The following EBF1 variants were observed in gnomAD, a reference collection of about 807,000 sequenced individuals.
EBF1 encodes EBF transcription factor 1.
A neutral mutation model predicts 68.4 loss-of-function variants in EBF1; 10 were observed. That is an observed-to-expected ratio of 0.15 (90% CI 0.09 to 0.25). EBF1 has a LOEUF of 0.25. EBF1 is among the 10% of genes least tolerant of loss of function. The probability of loss-of-function intolerance (pLI) is 1.00; values close to 1 mark genes in which losing one functional copy is unlikely to be tolerated. For synonymous variants in EBF1, 298 were observed against 299.8 expected (o/e 0.99, Z 0.06); for missense variants, 509 against 794.4 (o/e 0.64, Z 4.32).
At chr5:159,027,769 C>A (rs1767987072) in intron 6 of EBF1, among the ~76,000 whole-genome samples, 1 of 152,180 alleles carries the variant, frequency 6.6e-6, no homozygotes, top group African/African-American at 2.4e-5. Context: ...GGTTCCTACC[C>A]CTCTAGCCGG....
At chr5:158,831,261 G>T (rs747099529) in intron 7 of EBF1, among the ~76,000 whole-genome samples, 1 of 152,142 alleles carries the variant, frequency 6.6e-6, no homozygotes, top group Non-Finnish European at 1.5e-5. Flanking sequence ...TCAGGAGCAA[G>T]AAAATGGCAT....
intron 5 of EBF1, chr5:159,073,684 A>T: frequency 1.8e-6 from 1 of 542,348 alleles, no homozygotes; most frequent in Non-Finnish European, 3.3e-6. Flanking sequence ...GGTGGGGGAG[A>T]GGGGCTCTCC....
At position 158,713,028 on chromosome 5, in the gene EBF1, A is replaced by T. The variant is rs747932991; in HGVS notation, c.1311T>A (p.Asn437Lys). The T allele has an allele frequency of 6.3e-7, 1 of 1,578,072 alleles. No homozygotes were observed. ...TSVHAGMMGV[N>K]SFSGQLAVNV... ...TCACGGCCAGTTGTCCACTGAACGA[A>T]TTCACGCCCATCATCCCTGCGTGGA... Residue 437 changes from asparagine to lysine, a missense_variant, in exon 13 of 16, where the codon AAT becomes AAA. This residue lies in a region of EBF1 where 205 missense variants were observed against 247.4 expected (regional missense o/e 0.83). Coordinates refer to ENST00000313708, the MANE Select transcript of EBF1 (RefSeq NM_024007.5).
At chr5:158,836,871 T>C (rs531150491) in intron 7 of EBF1, among the ~76,000 whole-genome samples, 3 of 152,336 alleles carry the variant, frequency 2.0e-5, no homozygotes, top group East Asian at 1.9e-4. Flanking sequence ...ACTGACTCTA[T>C]GGTGGCCAAG....
At chr5:158,720,399 G>T (rs1375155617) in intron 11 of EBF1, among the ~76,000 whole-genome samples, 2 of 152,120 alleles carry the variant, frequency 1.3e-5, no homozygotes, top group Non-Finnish European at 2.9e-5. Flanking sequence ...TATTTCTTTG[G>T]AGGGTAGTTT....
chr5:159,033,874 C>T (rs1584123376), intron 6 of EBF1, among the ~76,000 whole-genome samples: 1 of 152,280 alleles, frequency 6.6e-6, no homozygotes, highest in East Asian at 1.9e-4. Context: ...CCAACGACCT[C>T]CTACACCCCT....
intron 14 of EBF1, among the ~76,000 whole-genome samples, chr5:158,708,651 G>A (rs1270024001): frequency 6.6e-6 from 1 of 152,164 alleles, no homozygotes; most frequent in Non-Finnish European, 1.5e-5. Flanking sequence ...GTGGAGGCAG[G>A]GAAGGGAAAT....
In EBF1 at chr5:158,925,268, T is replaced by G. The variant is rs929729032; in HGVS notation, c.555-85158A>C. Among the ~76,000 whole-genome samples, 3 of 152,232 alleles carry G rather than the reference T, an allele frequency of 2.0e-5. No homozygotes were observed. The South Asian group carries it at 6.2e-4, about 32-fold the overall frequency. On this transcript the variant is annotated intron_variant, in intron 6 of 15. Transcript: ENST00000313708. ...CCTCACAGCACATATCACTTTTATC[T>G]TATTGTCTAGCTCCCTGCTAGGATG...
intron 6 of EBF1, among the ~76,000 whole-genome samples, chr5:158,947,195 C>G (rs112272001): frequency 1.3e-5 from 2 of 151,636 alleles, no homozygotes; most frequent in South Asian, 4.2e-4. Flanking sequence ...GGGGAGTGAG[C>G]GGTTCTGTCT....
At chr5:158,838,085 A>G (rs1789244553) in intron 7 of EBF1, among the ~76,000 whole-genome samples, 4 of 152,166 alleles carry the variant, frequency 2.6e-5, no homozygotes, top group Admixed American at 2.6e-4. Flanking sequence ...AAAATCCTCT[A>G]TGGGAATGAG....
At chr5:158,958,655 A>T (rs1055907783) in intron 6 of EBF1, among the ~76,000 whole-genome samples, 1 of 152,100 alleles carries the variant, frequency 6.6e-6, no homozygotes, top group East Asian at 1.9e-4. Flanking sequence ...AGGTTAATAT[A>T]CACATCCCAC....
At chr5:159,029,175 C>T (rs948637698) in intron 6 of EBF1, among the ~76,000 whole-genome samples, 7 of 152,104 alleles carry the variant, frequency 4.6e-5, no homozygotes, top group Non-Finnish European at 7.4e-5. Context: ...CCCAACCATA[C>T]TCATAAGAGA....
In EBF1 at chr5:158,926,640, C is replaced by T. The variant is rs1441533729; in HGVS notation, c.555-86530G>A. ...TTGGGAGGCTGAGGCAGAAGAATCG[C>T]TTGAACCCAGGAGGCAGAGGTGGCA... is the stretch of plus-strand genomic sequence containing the variant. On this transcript the variant is annotated intron_variant, in intron 6 of 15. Coordinates refer to ENST00000313708, the MANE Select transcript of EBF1 (RefSeq NM_024007.5). Among the ~76,000 whole-genome samples the T allele has an allele frequency of 2.0e-5, 3 of 151,504 alleles. No homozygotes were observed. In the South Asian group the frequency reaches 6.3e-4, roughly 32 times the overall value.
chr5:158,953,227 G>A (rs1816413149), intron 6 of EBF1, among the ~76,000 whole-genome samples: 1 of 152,202 alleles, frequency 6.6e-6, no homozygotes, highest in African/African-American at 2.4e-5. Context: ...TGCTTTAATT[G>A]TGTGTTTACG....
chr5:158,788,865 T>A (rs548145390), intron 9 of EBF1, among the ~76,000 whole-genome samples: 1 of 152,126 alleles, frequency 6.6e-6, no homozygotes, highest in Admixed American at 6.6e-5. Context: ...ATTATCAACA[T>A]AGAAAATAGA....
intron 10 of EBF1, among the ~76,000 whole-genome samples, chr5:158,760,634 T>C (rs1771214589): frequency 1.3e-5 from 2 of 152,140 alleles, no homozygotes; most frequent in South Asian, 4.1e-4. Context: ...AAGGCGATAG[T>C]ATCTAAGAAA....
intron 5 of EBF1, among the ~76,000 whole-genome samples, chr5:159,084,003 C>G (rs555218026): frequency 6.6e-6 from 1 of 152,278 alleles, no homozygotes; most frequent in East Asian, 1.9e-4. Context: ...TAGCTTCAGT[C>G]TGATTACAGG....
chr5:158,742,972 A>G (rs1478639731), intron 10 of EBF1, among the ~76,000 whole-genome samples: 2 of 152,216 alleles, frequency 1.3e-5, no homozygotes, highest in Admixed American at 1.3e-4. Context: ...GCTTAAGAAG[A>G]TGAAAAGAAA....
At chr5:158,748,378 C>G (rs762155006) in intron 10 of EBF1, among the ~76,000 whole-genome samples, 1 of 152,136 alleles carries the variant, frequency 6.6e-6, no homozygotes, top group South Asian at 2.1e-4. Context: ...CCGGATAACA[C>G]GGGTGGAATT....
Sources: allele counts gnomAD v4.1 joint callset (sites outside exome capture counted in the v4.1 genomes callset), GRCh38; gene constraint gnomAD v4.1.1; regional missense constraint gnomAD v4.1.1; transcripts MANE v1.5; gene names NCBI Gene and HGNC (gene_info 2026-07-23, HGNC 2026-07-21).